The following SPOCK1 variants were observed in gnomAD, a reference collection of about 807,000 sequenced individuals.
SPOCK1 encodes the protein SPARC (osteonectin), cwcv and kazal like domains proteoglycan 1, also known as testican-1.
In SPOCK1, 23 loss-of-function variants were observed where a neutral mutation model predicts 55.3. The observed-to-expected ratio is 0.42, with a 90% confidence interval of 0.30 to 0.59. SPOCK1 has a LOEUF of 0.59. SPOCK1 is among the 20% of genes least tolerant of loss of function. The probability of loss-of-function intolerance (pLI) is 0.22; values close to 1 mark genes in which losing one functional copy is unlikely to be tolerated. For synonymous variants in SPOCK1, 226 were observed against 221.0 expected (o/e 1.02, Z -0.20); for missense variants, 499 against 552.5 (o/e 0.90, Z 0.97).
intron 3 of SPOCK1, among the ~76,000 whole-genome samples, chr5:137,163,218 C>A (rs1348531022): frequency 6.6e-6 from 1 of 152,160 alleles, no homozygotes; most frequent in Non-Finnish European, 1.5e-5. Flanking sequence ...ATATACCAAG[C>A]ACTGGTTTTG....
intron 3 of SPOCK1, among the ~76,000 whole-genome samples, chr5:137,234,345 C>A (rs1218201380): frequency 6.6e-6 from 1 of 152,148 alleles, no homozygotes; most frequent in African/African-American, 2.4e-5. Flanking sequence ...TCAGGAAACA[C>A]CATGCCTGGG....
intron 4 of SPOCK1, among the ~76,000 whole-genome samples, chr5:137,138,453 G>T (rs1437264048): frequency 1.3e-5 from 2 of 151,404 alleles, no homozygotes; most frequent in African/African-American, 4.9e-5. Flanking sequence ...GCTATATCCT[G>T]CATTGTAGGA....
intron 6 of SPOCK1, among the ~76,000 whole-genome samples, chr5:137,007,028 C>T (rs780817135): frequency 3.3e-5 from 5 of 152,000 alleles, no homozygotes; most frequent in Non-Finnish European, 7.4e-5. Context: ...CCACCAAAAA[C>T]AAGCAGTGGG....
At chr5:137,202,398 A>G (rs1755443729) in intron 3 of SPOCK1, among the ~76,000 whole-genome samples, 2 of 152,236 alleles carry the variant, frequency 1.3e-5, no homozygotes, top group South Asian at 4.1e-4. Context: ...AGAAGGTTTC[A>G]TGCAACATGA....
At chr5:137,308,587 G>A (rs567505503) in intron 2 of SPOCK1, among the ~76,000 whole-genome samples, 2 of 152,272 alleles carry the variant, frequency 1.3e-5, no homozygotes, top group African/African-American at 4.8e-5. Context: ...CCTGGCTCCT[G>A]GCCTCTGGTA....
At chr5:137,289,988 C>G (rs754470160) in intron 2 of SPOCK1, among the ~76,000 whole-genome samples, 1 of 152,200 alleles carries the variant, frequency 6.6e-6, no homozygotes, top group Non-Finnish European at 1.5e-5. Flanking sequence ...CTCCTGCACA[C>G]TGCTGGCAGG....
rs765403974 is a variant in SPOCK1 at position 137,243,984 on chromosome 5, G to A, written c.232+23026C>T. On this transcript the variant is annotated intron_variant, in intron 3 of 10. Transcript: ENST00000394945. Reference sequence around the variant, plus strand: ...TGAGGATGAAACTATTTCTAATAAGGTGGCAATGGCCCTCTTTCCCAACAG... The same window carrying A: ...TGAGGATGAAACTATTTCTAATAAGATGGCAATGGCCCTCTTTCCCAACAG... Among the ~76,000 whole-genome samples, 8 of 152,050 alleles carry A rather than the reference G, an allele frequency of 5.3e-5. No homozygotes were observed. The South Asian group carries it at 6.2e-4, about 12-fold the overall frequency.
chr5:137,090,916 T>C lies in SPOCK1; in HGVS notation c.474+21519A>G, dbSNP rs535715776. Among the ~76,000 whole-genome samples, 13 of 152,198 alleles carry C rather than the reference T, an allele frequency of 8.5e-5. No homozygotes were observed. The South Asian group carries it at 2.3e-3, about 27-fold the overall frequency. ...TCTGGCTCAGTTTCAAATTCCAGTC[T>C]AAAGCCCTCTCCTCCCCACCCCCAT... On this transcript the variant is annotated intron_variant, in intron 5 of 10. Transcript: ENST00000394945.
In SPOCK1 at chr5:137,118,308, A is replaced by G. The variant is rs373583015; in HGVS notation, c.348-5747T>C. On this transcript the variant is annotated intron_variant, in intron 4 of 10. Transcript: ENST00000394945. ...ACAGGACTATAAGCACAATCTTTTA[A>G]GATGGCAACAGCTACAAGCAAGATG... Among the ~76,000 whole-genome samples the G allele has an allele frequency of 6.6e-5, 10 of 152,378 alleles. No homozygotes were observed. The South Asian group carries it at 1.9e-3, about 28-fold the overall frequency.
At chr5:137,187,470 A>G (rs1212414081) in intron 3 of SPOCK1, among the ~76,000 whole-genome samples, 1 of 152,054 alleles carries the variant, frequency 6.6e-6, no homozygotes, top group Non-Finnish European at 1.5e-5. Context: ...TACCACTCCA[A>G]TCAGACCCCT....
rs761038161 is a variant in SPOCK1, at chr5:136,988,660, A to AT, written c.707-18dup. 1 of 1,603,436 alleles carries AT rather than the reference A, an allele frequency of 6.2e-7. No homozygotes were observed. The highest frequency in any genetic ancestry group is 1.1e-5 in the South Asian group (1 of 90,040). ...TGTCAAACCCTGCCAAACAAAAGGC[A>AT]TATCTCAGCTGCCACCAAGCCTGAT... On this transcript the variant is annotated splice_polypyrimidine_tract_variant and intron_variant, in intron 7 of 10. Coordinates refer to ENST00000394945, the MANE Select transcript of SPOCK1 (RefSeq NM_004598.4).
At chr5:137,475,754 T>C (rs545388752) in intron 2 of SPOCK1, among the ~76,000 whole-genome samples, 1 of 152,108 alleles carries the variant, frequency 6.6e-6, no homozygotes, top group Admixed American at 6.5e-5. Context: ...TTTTGTTTTT[T>C]GTAAAGATGG....
At chr5:137,250,520 G>A (rs931579175) in intron 3 of SPOCK1, among the ~76,000 whole-genome samples, 1 of 152,086 alleles carries the variant, frequency 6.6e-6, no homozygotes, top group African/African-American at 2.4e-5. Flanking sequence ...GTCTGAGTCC[G>A]TTCATAGAAG....
Position 137,164,985 on chromosome 5 carries a change from G to A in SPOCK1, c.233-24291C>T, listed in dbSNP as rs375763160. Among the ~76,000 whole-genome samples, 24 of 152,334 alleles carry A rather than the reference G, an allele frequency of 1.6e-4. No homozygotes were observed. In the East Asian group the frequency reaches 3.7e-3, roughly 23 times the overall value. On this transcript the variant is annotated intron_variant, in intron 3 of 10. Coordinates refer to ENST00000394945, the MANE Select transcript of SPOCK1 (RefSeq NM_004598.4). ...CACCTCTGGACCTGCCCAGGTCCTG[G>A]GGGAACTCGCCACCCTAAAGGGAAG...
chr5:137,024,977 C>T (rs765242277), intron 6 of SPOCK1, among the ~76,000 whole-genome samples: 22 of 152,116 alleles, frequency 1.4e-4, no homozygotes, highest in African/African-American at 5.3e-4. Flanking sequence ...ATCTTGAGGA[C>T]ATTATGCGAA....
intron 2 of SPOCK1, among the ~76,000 whole-genome samples, chr5:137,278,798 G>A (rs1054323634): frequency 4.6e-5 from 7 of 152,200 alleles, no homozygotes; most frequent in South Asian, 2.1e-4. Flanking sequence ...GAGAGATGAC[G>A]TACTGATGTC....
At chr5:137,105,793 C>T (rs1457340506) in intron 5 of SPOCK1, among the ~76,000 whole-genome samples, 3 of 152,228 alleles carry the variant, frequency 2.0e-5, no homozygotes, top group South Asian at 2.1e-4. Context: ...CTTAACTCTG[C>T]GTCTCTCTTC....
chr5:137,202,215 A>G (rs1401227333), intron 3 of SPOCK1, among the ~76,000 whole-genome samples: 1 of 152,228 alleles, frequency 6.6e-6, no homozygotes, highest in Non-Finnish European at 1.5e-5. Context: ...TTCCAATCCC[A>G]ACACAGGAAA....
intron 3 of SPOCK1, among the ~76,000 whole-genome samples, chr5:137,233,574 C>T (rs1198888911): frequency 6.6e-6 from 1 of 152,142 alleles, no homozygotes; most frequent in Non-Finnish European, 1.5e-5. Context: ...TGGACCAGTA[C>T]TAGTCCATGG....
Sources: allele counts gnomAD v4.1 joint callset (sites outside exome capture counted in the v4.1 genomes callset), GRCh38; gene constraint gnomAD v4.1.1; transcripts MANE v1.5; gene names NCBI Gene and HGNC (gene_info 2026-07-23, HGNC 2026-07-21).